The following EFCAB10 variants were observed in gnomAD, a reference collection of about 807,000 sequenced individuals.
EFCAB10 encodes the protein EF-hand calcium-binding domain-containing protein 10.
A neutral mutation model predicts 7.7 loss-of-function variants in EFCAB10; 7 were observed. The ratio of observed to expected loss-of-function variants is 0.91; its 90% confidence interval spans 0.52 to 1.72. EFCAB10 has a LOEUF of 1.72. Among genes scored for constraint, EFCAB10 ranks in the 40% most tolerant of loss-of-function variants. EFCAB10 has a pLI of 0.00. For synonymous variants in EFCAB10, 52 were observed against 21.0 expected (o/e 2.47, Z -4.03); for missense variants, 112 against 61.5 (o/e 1.82, Z -2.74).
chr7:105,576,571 T>C (rs1463995968), intron 1 of EFCAB10, among the ~76,000 whole-genome samples: 1 of 152,204 alleles, frequency 6.6e-6, no homozygotes, highest in Non-Finnish European at 1.5e-5. Context: ...GCCTCCTGAA[T>C]AGCTGGGACT....
At position 105,567,319 on chromosome 7, in the gene EFCAB10, C is replaced by CAGAAAA. The variant is rs751025208; in HGVS notation, c.383+142_383+147dup. The CAGAAAA allele has an allele frequency of 3.2e-6, 5 of 1,562,796 alleles. No homozygotes were observed. In the South Asian group the frequency reaches 4.7e-5, roughly 15 times the overall value. On this transcript the variant is annotated intron_variant, in intron 4 of 4. Coordinates refer to ENST00000480514, the MANE Select transcript of EFCAB10 (RefSeq NM_001355526.2). ...CCTAATACTGGAAAATAATGTCTTT[C>CAGAAAA]AGAAAAAGGTTTCTTTGGTTTTTGT...
In EFCAB10 at chr7:105,570,273, A is replaced by G. The variant is rs374559233; in HGVS notation, c.107-702T>C. Among the ~76,000 whole-genome samples, 8 of 129,406 alleles carry G rather than the reference A, an allele frequency of 6.2e-5. No individual in the cohort carries two copies. The East Asian group carries it at 1.7e-3, about 27-fold the overall frequency. 84.9% of individuals were successfully genotyped at this position (129,406 alleles called of 152,430 possible). A position where few individuals can be genotyped will look rare whatever the true frequency, so the allele number is the denominator to read the frequency against. On this transcript the variant is annotated intron_variant, in intron 1 of 4. Coordinates refer to ENST00000480514, the MANE Select transcript of EFCAB10 (RefSeq NM_001355526.2). ...TATATATATATATATATATATACACACACACACACATACATATACACATAC... is the reference window on the plus strand; with the variant it reads ...TATATATATATATATATATATACACGCACACACACATACATATACACATAC...
intron 1 of EFCAB10, among the ~76,000 whole-genome samples, chr7:105,580,900 T>C (rs1792214558): frequency 6.6e-6 from 1 of 152,148 alleles, no homozygotes; most frequent in South Asian, 2.1e-4. Context: ...TCTTCTATCC[T>C]ACCCTATCAA....
At chr7:105,571,324 A>C (rs1233607159) in intron 1 of EFCAB10, 1 of 152,212 alleles carries the variant, frequency 6.6e-6, no homozygotes, top group Non-Finnish European at 1.5e-5. Context: ...TGCCAAAACC[A>C]TTGCACCAGA....
At chr7:105,571,055 C>T (rs372569017) in intron 1 of EFCAB10, 1 of 152,038 alleles carries the variant, frequency 6.6e-6, no homozygotes, top group Non-Finnish European at 1.5e-5. Context: ...TAAGTTACAT[C>T]ATTACTGAGA....
At chr7:105,575,880 A>C (rs1401367958) in intron 1 of EFCAB10, among the ~76,000 whole-genome samples, 1 of 152,038 alleles carries the variant, frequency 6.6e-6, no homozygotes, top group Non-Finnish European at 1.5e-5. Context: ...TCTACTAAAA[A>C]TACAAAATTA....
chr7:105,567,706 C>A, intron 3 of EFCAB10: 1 of 489,564 alleles, frequency 2.0e-6, no homozygotes, highest in South Asian at 3.3e-5. Flanking sequence ...AATTGAGGCA[C>A]CTGTATCTAG....
At chr7:105,575,818 G>T (rs1015290498) in intron 1 of EFCAB10, among the ~76,000 whole-genome samples, 1 of 152,124 alleles carries the variant, frequency 6.6e-6, no homozygotes, top group East Asian at 1.9e-4. Flanking sequence ...TGGGAGGATC[G>T]CCTGAGGTTG....
chr7:105,575,198 A>G (rs1439504200), intron 1 of EFCAB10, among the ~76,000 whole-genome samples: 2 of 151,850 alleles, frequency 1.3e-5, no homozygotes, highest in Non-Finnish European at 2.9e-5. Flanking sequence ...ACTTGGCCCC[A>G]TGATTCAATT....
intron 1 of EFCAB10, among the ~76,000 whole-genome samples, chr7:105,570,207 C>G (rs1469569407): frequency 2.6e-5 from 1 of 38,530 alleles, no homozygotes; most frequent in Non-Finnish European, 4.7e-5. Context: ...GAGCAAGACT[C>G]TCTCAAAAAA....
At chr7:105,580,988 G>C (rs147719917) in intron 1 of EFCAB10, among the ~76,000 whole-genome samples, 1 of 152,186 alleles carries the variant, frequency 6.6e-6, no homozygotes, top group Non-Finnish European at 1.5e-5. Context: ...GAGGCGCCGA[G>C]GCGTGCAGAT....
chr7:105,567,534 C>A, intron 3 of EFCAB10, 44 bp from the exon 4 acceptor site: 1 of 683,212 alleles, frequency 1.5e-6, no homozygotes. Context: ...AAACTCAATT[C>A]TATTTACAAG....
At chr7:105,575,573 CACTTA>C (rs1310848465) in intron 1 of EFCAB10, among the ~76,000 whole-genome samples, 11 of 152,144 alleles carry the variant, frequency 7.2e-5, no homozygotes, top group Non-Finnish European at 1.3e-4. Context: ...CTTGCTGTTA[CACTTA>C]ACTTATGAAA....
intron 1 of EFCAB10, among the ~76,000 whole-genome samples, chr7:105,573,898 T>C (rs1295931865): frequency 6.6e-6 from 1 of 152,222 alleles, no homozygotes; most frequent in Non-Finnish European, 1.5e-5. Context: ...TCAGTCATGA[T>C]AGTCTCCATT....
chr7:105,572,305 T>G (rs572068795), intron 1 of EFCAB10: 140 of 151,698 alleles, frequency 9.2e-4, no homozygotes, highest in African/African-American at 3.2e-3. Context: ...GGTATTCTTC[T>G]GTGCGTGATT....
At chr7:105,579,267 G>A (rs543605160) in intron 1 of EFCAB10, among the ~76,000 whole-genome samples, 20 of 152,274 alleles carry the variant, frequency 1.3e-4, no homozygotes, top group Middle Eastern at 3.4e-3. Context: ...GCGAGGAGTC[G>A]TCTTAGGATC....
intron 1 of EFCAB10, among the ~76,000 whole-genome samples, chr7:105,573,923 T>C (rs1291181299): frequency 1.3e-5 from 2 of 152,150 alleles, no homozygotes; most frequent in Admixed American, 6.6e-5. Context: ...TTTTTCTCAA[T>C]AGCTTTCAAA....
At chr7:105,577,469 G>C (rs2115571614) in intron 1 of EFCAB10, among the ~76,000 whole-genome samples, 1 of 152,268 alleles carries the variant, frequency 6.6e-6, no homozygotes, top group African/African-American at 2.4e-5. Flanking sequence ...ATTATGAATT[G>C]AAGTCTTTTT....
chr7:105,580,651 T>C (rs537075869), intron 1 of EFCAB10, among the ~76,000 whole-genome samples: 2 of 152,066 alleles, frequency 1.3e-5, no homozygotes, highest in African/African-American at 4.8e-5. Flanking sequence ...TTTGGCAAAA[T>C]TGGAATGTTT....
Sources: gnomAD v4.1 joint callset for allele counts (sites outside exome capture counted in the v4.1 genomes callset) on GRCh38, gnomAD v4.1.1 for gene constraint, MANE v1.5 for transcripts, NCBI Gene and HGNC (gene_info 2026-07-23, HGNC 2026-07-21) for gene names.